Variants in ADK observed in about 807,000 individuals in gnomAD.
ADK encodes adenosine kinase, also known as N6,N6-dimethyladenosine kinase.
Under a neutral mutation model 44.7 loss-of-function variants are expected in ADK, and 24 were observed. The observed-to-expected ratio is 0.54, with a 90% CI of 0.39 to 0.76. The LOEUF (loss-of-function observed/expected upper bound fraction) is 0.76. Ranked by LOEUF, ADK falls within the 30% of genes least tolerant of loss-of-function variation. ADK has a pLI of 0.00. For missense variants in ADK, 321 were observed against 425.1 expected, an observed-to-expected ratio of 0.76 and a Z score of 2.15; for synonymous variants, 128 against 142.6, an observed-to-expected ratio of 0.90 and a Z score of 0.73.
intron 6 of ADK, among the ~76,000 whole-genome samples, chr10:74,483,301 C>T (rs566194684): frequency 6.6e-6 from 1 of 152,244 alleles, no homozygotes; most frequent in South Asian, 2.1e-4. Flanking sequence ...GCTCTTTTTT[C>T]CATGGCTGGG....
At chr10:74,595,772 G>GGACA (rs1851900447) in intron 8 of ADK, among the ~76,000 whole-genome samples, 1 of 118,678 alleles carries the variant, frequency 8.4e-6, no homozygotes, top group South Asian at 3.4e-4. Context: ...CAAGGTGGGT[G>GGACA]GATCACCTGA....
At chr10:74,561,437 A>G (rs1850454101) in intron 7 of ADK, among the ~76,000 whole-genome samples, 1 of 152,216 alleles carries the variant, frequency 6.6e-6, no homozygotes, top group Non-Finnish European at 1.5e-5. Context: ...AAGATGATGA[A>G]GAATATGAAT....
chr10:74,403,252 C>A (rs1294464708), intron 6 of ADK, among the ~76,000 whole-genome samples: 1 of 152,104 alleles, frequency 6.6e-6, no homozygotes, highest in Non-Finnish European at 1.5e-5. Context: ...GCTGGGAGAA[C>A]CACTACTCTC....
chr10:74,573,299 C>T (rs1017279362), intron 7 of ADK, among the ~76,000 whole-genome samples: 2 of 152,174 alleles, frequency 1.3e-5, no homozygotes, highest in Non-Finnish European at 2.9e-5. Context: ...GTATCAGCAG[C>T]GGTGGCTGCA....
intron 4 of ADK, among the ~76,000 whole-genome samples, chr10:74,366,188 C>T (rs765661940): frequency 2.0e-5 from 3 of 152,032 alleles, no homozygotes; most frequent in Non-Finnish European, 2.9e-5. Context: ...TCTTGTTATT[C>T]ATAATTACTT....
chr10:74,231,570 C>A (rs1844765018), intron 3 of ADK, among the ~76,000 whole-genome samples: 1 of 148,462 alleles, frequency 6.7e-6, no homozygotes, highest in African/African-American at 2.5e-5. Context: ...TGGGCTTAAG[C>A]AATCCTCCCA....
chr10:74,233,243 G>A (rs2132273799), intron 3 of ADK, among the ~76,000 whole-genome samples: 1 of 152,306 alleles, frequency 6.6e-6, no homozygotes, highest in East Asian at 1.9e-4. Flanking sequence ...CCTAAAATGT[G>A]AGAGAAAAAT....
At chr10:74,438,693 CTA>C (rs761639783) in intron 6 of ADK, among the ~76,000 whole-genome samples, 224 of 152,216 alleles carry the variant, frequency 1.5e-3, no homozygotes, top group Non-Finnish European at 2.4e-3. Flanking sequence ...TGTTCTCTCT[CTA>C]AATTTTCTTT....
intron 9 of ADK, among the ~76,000 whole-genome samples, chr10:74,651,834 C>A (rs1283143511): frequency 1.3e-5 from 2 of 152,016 alleles, no homozygotes; most frequent in Non-Finnish European, 2.9e-5. Context: ...ATGTGAGTAA[C>A]CACATGAATG....
At chr10:74,336,051 G>T (rs1042184604) in intron 4 of ADK, among the ~76,000 whole-genome samples, 5 of 152,028 alleles carry the variant, frequency 3.3e-5, no homozygotes, top group African/African-American at 1.2e-4. Context: ...AATGGATTAT[G>T]CTTTTGTGTC....
intron 7 of ADK, among the ~76,000 whole-genome samples, chr10:74,558,282 C>T (rs138622045): frequency 6.6e-5 from 10 of 152,316 alleles, no homozygotes; most frequent in African/African-American, 1.9e-4. Context: ...ACTGCAGTCT[C>T]GAACTCCTGG....
At chr10:74,208,459 A>C (rs1027169932) in intron 2 of ADK, among the ~76,000 whole-genome samples, 2 of 152,252 alleles carry the variant, frequency 1.3e-5, no homozygotes, top group Admixed American at 6.5e-5. Context: ...TTTTACTAGC[A>C]GCTGGTCCTA....
At chr10:74,531,263 T>TA (rs1276044425) in intron 7 of ADK, among the ~76,000 whole-genome samples, 3 of 152,138 alleles carry the variant, frequency 2.0e-5, no homozygotes, top group Admixed American at 6.5e-5. Context: ...AGGCTTCAAG[T>TA]AGAGTATTAA....
intron 3 of ADK, among the ~76,000 whole-genome samples, chr10:74,289,752 G>T (rs1847333312): frequency 1.3e-5 from 2 of 150,596 alleles, no homozygotes; most frequent in African/African-American, 2.4e-5. Flanking sequence ...TTTCTTAATC[G>T]TGTGCTTTTC....
chr10:74,586,326 T>C (rs1851524429), intron 7 of ADK, among the ~76,000 whole-genome samples: 1 of 152,156 alleles, frequency 6.6e-6, no homozygotes. Context: ...TTTCTAGTGA[T>C]AGGGCACAGC....
At chr10:74,320,743 T>C (rs1840780034) in intron 4 of ADK, among the ~76,000 whole-genome samples, 1 of 152,302 alleles carries the variant, frequency 6.6e-6, no homozygotes, top group East Asian at 1.9e-4. Flanking sequence ...CTTGCTTTTT[T>C]TACCGGAGAT....
In ADK at chr10:74,647,230, A is replaced by G. The variant is rs889602426; in HGVS notation, c.878-22953A>G. Among the ~76,000 whole-genome samples the G allele has an allele frequency of 3.3e-5, 5 of 152,166 alleles. No homozygotes were observed. The South Asian group carries it at 1.0e-3, about 32-fold the overall frequency. On this transcript the variant is annotated intron_variant, in intron 9 of 10. Coordinates refer to ENST00000539909, the MANE Select transcript of ADK (RefSeq NM_006721.4). ...CTCAGATTAAATTGGAGAAGGAAGG[A>G]AAAAAAAGATAGCTACCCACAGTAT...
chr10:74,271,465 GGTTA>G (rs1325642227), intron 3 of ADK, among the ~76,000 whole-genome samples: 1 of 150,088 alleles, frequency 6.7e-6, no homozygotes, highest in Admixed American at 6.7e-5. Flanking sequence ...ACAATGTGCG[GGTTA>G]GTTACACATG....
At chr10:74,171,222 G>A (rs1007582010) in intron 1 of ADK, among the ~76,000 whole-genome samples, 5 of 151,910 alleles carry the variant, frequency 3.3e-5, no homozygotes, top group African/African-American at 2.4e-5. Context: ...TGAATAACTG[G>A]GTATACAAAT....
Sources: allele counts gnomAD v4.1 joint callset (sites outside exome capture counted in the v4.1 genomes callset), GRCh38; gene constraint gnomAD v4.1.1; transcripts MANE v1.5; gene names NCBI Gene and HGNC (gene_info 2026-07-23, HGNC 2026-07-21).